The following JARID2 variants were observed in gnomAD, a reference collection of about 807,000 sequenced individuals.
The protein encoded by JARID2 is jumonji and AT-rich interaction domain containing 2.
Under a neutral mutation model 125.6 loss-of-function variants are expected in JARID2, and 21 were observed. That is an observed-to-expected ratio of 0.17 (90% CI 0.12 to 0.24). The LOEUF is 0.24. Ranked by LOEUF, JARID2 falls within the 10% of genes least tolerant of loss-of-function variation. The pLI, the probability that JARID2 is intolerant of heterozygous loss-of-function variation, is 1.00. For synonymous variants in JARID2, 736 were observed against 661.6 expected, an observed-to-expected ratio of 1.11 and a Z score of -1.73; for missense variants, 1,303 against 1,639.6, an observed-to-expected ratio of 0.79 and a Z score of 3.55.
intron 1 of JARID2, among the ~76,000 whole-genome samples, chr6:15,372,050 C>G (rs1268239476): frequency 6.6e-6 from 1 of 152,128 alleles, no homozygotes; most frequent in South Asian, 2.1e-4. Flanking sequence ...TGAAGCTTAA[C>G]GAAAGTGCAG....
intron 3 of JARID2, among the ~76,000 whole-genome samples, chr6:15,431,592 A>C (rs577135057): frequency 2.0e-4 from 30 of 152,348 alleles, no homozygotes; most frequent in African/African-American, 6.7e-4. Context: ...TTCTTGGTTC[A>C]AGCCTCAGAA....
chr6:15,313,136 A>G (rs1471992293), intron 1 of JARID2, among the ~76,000 whole-genome samples: 4 of 152,116 alleles, frequency 2.6e-5, no homozygotes, highest in African/African-American at 9.7e-5. Flanking sequence ...CTTTTTTTAC[A>G]TTACACCTGT....
chr6:15,443,161 G>A (rs1017633930), intron 3 of JARID2, among the ~76,000 whole-genome samples: 16 of 152,048 alleles, frequency 1.1e-4, no homozygotes, highest in African/African-American at 3.6e-4. Context: ...TGAAGTGTCT[G>A]CGAGCAAGAA....
At chr6:15,341,465 T>C (rs1474739628) in intron 1 of JARID2, among the ~76,000 whole-genome samples, 1 of 152,214 alleles carries the variant, frequency 6.6e-6, no homozygotes, top group African/African-American at 2.4e-5. Flanking sequence ...CAGGGTAAGA[T>C]AGGCATGTGC....
At chr6:15,380,684 GC>G (rs898909837) in intron 2 of JARID2, among the ~76,000 whole-genome samples, 74 of 152,166 alleles carry the variant, frequency 4.9e-4, no homozygotes, top group African/African-American at 1.6e-3. Flanking sequence ...CACCCCCCAA[GC>G]CCCCTTTAAG....
intron 1 of JARID2, among the ~76,000 whole-genome samples, chr6:15,353,937 T>C (rs2127485410): frequency 6.6e-6 from 1 of 152,298 alleles, no homozygotes; most frequent in East Asian, 1.9e-4. Flanking sequence ...AATCTGCCAC[T>C]TATGTTCCTA....
In JARID2 at chr6:15,520,502, G is replaced by C; in HGVS notation, c.*251G>C. On this transcript the variant is annotated 3_prime_UTR_variant, in exon 18 of 18. Coordinates refer to ENST00000341776, the MANE Select transcript of JARID2 (RefSeq NM_004973.4). The stretch of plus-strand genomic sequence containing the variant: ...CTGTTTTAAAAACCCCGGAGGGGCT[G>C]TATTAATTTGTATTGCCCCATGGCT... 1 of 383,774 alleles carries C rather than the reference G, an allele frequency of 2.6e-6. No individual in the cohort carries two copies. The allele number at this position is 383,774 out of a possible 1,614,324, so 23.8% of individuals were successfully genotyped here.
chr6:15,410,467 C>G, intron 3 of JARID2, 102 bp downstream of exon 3: 2 of 1,172,686 alleles, frequency 1.7e-6, no homozygotes, highest in Non-Finnish European at 2.5e-6. Flanking sequence ...CACCCAATCT[C>G]TTGATTTTCA....
chr6:15,288,751 T>C (rs1474585503), intron 1 of JARID2, among the ~76,000 whole-genome samples: 1 of 152,252 alleles, frequency 6.6e-6, no homozygotes, highest in African/African-American at 2.4e-5. Context: ...TAAGACCCCT[T>C]TGAGCTTCTA....
intron 1 of JARID2, among the ~76,000 whole-genome samples, chr6:15,354,099 T>A (rs2127485625): frequency 6.6e-6 from 1 of 152,322 alleles, no homozygotes; most frequent in East Asian, 1.9e-4. Flanking sequence ...CTGGGATTGA[T>A]CAAGGATCAT....
intron 1 of JARID2, among the ~76,000 whole-genome samples, chr6:15,365,545 A>C (rs1365538065): frequency 1.3e-5 from 2 of 152,090 alleles, no homozygotes; most frequent in Non-Finnish European, 2.9e-5. Flanking sequence ...TGGTGGCCGG[A>C]GATTCAGCCT....
At chr6:15,264,669 G>C (rs1473533836) in intron 1 of JARID2, among the ~76,000 whole-genome samples, 3 of 151,528 alleles carry the variant, frequency 2.0e-5, no homozygotes, top group African/African-American at 7.3e-5. Context: ...GAGAGAGAGA[G>C]AATATCTAAG....
chr6:15,486,061 T>C (rs1030977185), intron 5 of JARID2, among the ~76,000 whole-genome samples: 1 of 152,066 alleles, frequency 6.6e-6, no homozygotes, highest in Admixed American at 6.6e-5. Context: ...GATGCATGAG[T>C]GGACACAGTA....
chr6:15,302,858 C>T (rs1761681957), intron 1 of JARID2, among the ~76,000 whole-genome samples: 1 of 152,122 alleles, frequency 6.6e-6, no homozygotes, highest in African/African-American at 2.4e-5. Context: ...CCGCAGCCTC[C>T]CAAGCAGCTG....
At chr6:15,246,784 AC>A (rs1172790510) in intron 1 of JARID2, among the ~76,000 whole-genome samples, 200 bp downstream of exon 1, 2 of 152,154 alleles carry the variant, frequency 1.3e-5, no homozygotes, top group African/African-American at 4.8e-5. Flanking sequence ...GTGTAGAGAT[AC>A]CTCAAGTGAA....
intron 1 of JARID2, among the ~76,000 whole-genome samples, chr6:15,256,249 C>T (rs1420640910): frequency 6.6e-6 from 1 of 152,154 alleles, no homozygotes; most frequent in Non-Finnish European, 1.5e-5. Context: ...CTTAATAAAG[C>T]AAGCTGATAG....
At chr6:15,302,880 A>G (rs1581389744) in intron 1 of JARID2, among the ~76,000 whole-genome samples, 1 of 152,042 alleles carries the variant, frequency 6.6e-6, no homozygotes, top group African/African-American at 2.4e-5. Flanking sequence ...GATTATAGGC[A>G]CCTGCCACCA....
intron 1 of JARID2, among the ~76,000 whole-genome samples, chr6:15,323,778 C>A (rs1012601240): frequency 6.6e-6 from 1 of 152,132 alleles, no homozygotes; most frequent in Admixed American, 6.5e-5. Context: ...GCCTGTAATC[C>A]CAGCTACTCT....
intron 2 of JARID2, among the ~76,000 whole-genome samples, chr6:15,403,546 A>C (rs568194079): frequency 6.6e-6 from 1 of 152,164 alleles, no homozygotes; most frequent in African/African-American, 2.4e-5. Context: ...CCAGGGTCCT[A>C]TCTTTCTCAA....
Sources: gnomAD v4.1 joint callset for allele counts (sites outside exome capture counted in the v4.1 genomes callset) on GRCh38, gnomAD v4.1.1 for gene constraint, MANE v1.5 for transcripts, NCBI Gene and HGNC (gene_info 2026-07-23, HGNC 2026-07-21) for gene names.